ERMARD: variants seen among roughly 807,000 people sequenced by gnomAD.
The protein encoded by ERMARD is ER membrane associated RNA degradation.
Under a neutral mutation model 83.9 loss-of-function variants are expected in ERMARD, and 71 were observed. The ratio of observed to expected loss-of-function variants is 0.85; its 90% CI spans 0.70 to 1.03. The LOEUF is 1.03. Ranked by LOEUF, ERMARD falls within the 50% of genes least tolerant of loss-of-function variation. The pLI, the probability that ERMARD is intolerant of heterozygous loss-of-function variation, is 0.00. For synonymous variants in ERMARD, 284 were observed against 298.6 expected, an observed-to-expected ratio of 0.95 and a Z score of 0.50; for missense variants, 838 against 810.9, an observed-to-expected ratio of 1.03 and a Z score of -0.41.
chr6:169,758,712 T>A (rs897113587), intron 5 of ERMARD, among the ~76,000 whole-genome samples: 1 of 152,208 alleles, frequency 6.6e-6, no homozygotes, highest in Admixed American at 6.5e-5. Flanking sequence ...GCTTGTATTT[T>A]TTTCACCTAG....
At chr6:169,752,269 C>T (rs1199098306) in intron 1 of ERMARD, among the ~76,000 whole-genome samples, 1 of 152,200 alleles carries the variant, frequency 6.6e-6, no homozygotes, top group Non-Finnish European at 1.5e-5. Flanking sequence ...GTGCTAGATG[C>T]TTTTCATGTG....
chr6:169,762,288 T>C (rs1791646560), intron 8 of ERMARD, 141 bp from the exon 9 acceptor site: 1 of 692,348 alleles, frequency 1.4e-6, no homozygotes, highest in Non-Finnish European at 2.4e-6. Flanking sequence ...TTTCCCAGGC[T>C]GGTCTTGAAC....
chr6:169,760,885 C>G, intron 8 of ERMARD, 129 bp downstream of exon 8: 2 of 564,412 alleles, frequency 3.5e-6, no homozygotes, highest in Non-Finnish European at 6.2e-6. Flanking sequence ...TTGAGCAGAC[C>G]TGAAAATAAA....
At chr6:169,754,768 C>T (rs145922745) in intron 2 of ERMARD, among the ~76,000 whole-genome samples, 26 of 152,250 alleles carry the variant, frequency 1.7e-4, no homozygotes, top group African/African-American at 6.0e-4. Flanking sequence ...ATTCATTGAT[C>T]AGGAACCAAG....
chr6:169,775,129 C>G, intron 13 of ERMARD, 141 bp from the exon 14 acceptor site: 1 of 849,434 alleles, frequency 1.2e-6, no homozygotes, highest in South Asian at 1.7e-5. Flanking sequence ...GAAGAACTGA[C>G]ACCCACCATC....
intron 3 of ERMARD, 60 bp from the exon 4 acceptor site, chr6:169,756,278 T>C (rs1790801305): frequency 5.9e-6 from 6 of 1,018,378 alleles, no homozygotes; most frequent in Non-Finnish European, 8.6e-6. Flanking sequence ...ATAAATAATA[T>C]TGTTGCTTTG....
chr6:169,758,898 G>T, intron 5 of ERMARD, 70 bp from the exon 6 acceptor site: 3 of 1,382,988 alleles, frequency 2.2e-6, no homozygotes, highest in Non-Finnish European at 3.0e-6. Context: ...GAACACAAAT[G>T]TTATCTTCAT....
Position 169,758,903 on chromosome 6 carries a change from C to G in ERMARD, c.508-65C>G, listed in dbSNP as rs990512786. 5.0e-6 allele frequency: 7 copies of G among 1,407,184 alleles called. No individual in the cohort carries two copies. The African/African-American group carries it at 1.0e-4, about 20-fold the overall frequency. 87.2% of individuals were successfully genotyped at this position (1,407,184 alleles called of 1,614,324 possible). A position where few individuals can be genotyped will look rare whatever the true frequency, so the allele number is the denominator to read the frequency against. ...TTAAAAAGAGGAACACAAATGTTATCTTCATACTATATTGGTTTATTCAGT... is the reference window on the plus strand; with the variant it reads ...TTAAAAAGAGGAACACAAATGTTATGTTCATACTATATTGGTTTATTCAGT... On this transcript the variant is annotated intron_variant, in intron 5 of 17. Transcript: ENST00000366773.
chr6:169,752,401 A>G (rs1031150513), intron 1 of ERMARD, among the ~76,000 whole-genome samples: 3 of 152,176 alleles, frequency 2.0e-5, no homozygotes, highest in African/African-American at 7.2e-5. Context: ...GGAATGATTC[A>G]AATTTAAGTC....
chr6:169,773,159 A>G, intron 12 of ERMARD, 160 bp from the exon 13 acceptor site: 1 of 562,558 alleles, frequency 1.8e-6, no homozygotes, highest in Non-Finnish European at 3.1e-6. Flanking sequence ...TTTGCCTGCC[A>G]TGTCAAGCCT....
At chr6:169,766,573 G>A in intron 9 of ERMARD, 65 bp from the exon 10 acceptor site, 1 of 1,355,352 alleles carries the variant, frequency 7.4e-7, no homozygotes. Flanking sequence ...TTCTTATTTT[G>A]CATAGTGTTA....
chr6:169,759,983 T>C lies in ERMARD; in HGVS notation c.742+9T>C. The C allele has an allele frequency of 6.2e-7, 1 of 1,614,138 alleles. No individual in the cohort carries two copies. Among genetic ancestry groups the C allele is most frequent in the Non-Finnish European group, 8.5e-7 (1 of 1,180,014 alleles). ...TTTGATTGTTTTTCCTGGTAAGTAC[T>C]ATGTTTCACATTTTTCCTTATAGCT... On this transcript the variant is annotated intron_variant, in intron 7 of 17. Transcript: ENST00000366773.
At chr6:169,760,186 C>G (rs1791361061) in intron 7 of ERMARD, among the ~76,000 whole-genome samples, 1 of 152,130 alleles carries the variant, frequency 6.6e-6, no homozygotes, top group African/African-American at 2.4e-5. Context: ...GTGGGGGTCA[C>G]AGGAGTTGCA....
intron 9 of ERMARD, among the ~76,000 whole-genome samples, chr6:169,763,984 G>A (rs193302386): frequency 1.3e-4 from 20 of 152,332 alleles, no homozygotes; most frequent in Admixed American, 2.0e-4. Flanking sequence ...TCAGAAAGGC[G>A]TTGTTTCCCA....
At chr6:169,751,857 C>T (rs1209347289) in intron 1 of ERMARD, 194 bp downstream of exon 1, 3 of 771,974 alleles carry the variant, frequency 3.9e-6, no homozygotes, top group Non-Finnish European at 5.6e-6. Context: ...CTGCAAGACG[C>T]CTGGCGGGCC....
chr6:169,754,569 A>G (rs1790557839), intron 2 of ERMARD, among the ~76,000 whole-genome samples: 1 of 152,206 alleles, frequency 6.6e-6, no homozygotes. Context: ...AGCATTGTTT[A>G]TAATAGCTAA....
intron 11 of ERMARD, among the ~76,000 whole-genome samples, chr6:169,768,625 G>A (rs1024494624): frequency 6.6e-6 from 1 of 151,994 alleles, no homozygotes; most frequent in South Asian, 2.1e-4. Flanking sequence ...GTGCGGTGGC[G>A]GGCACCCACC....
Position 169,759,063 on chromosome 6 carries a change from A to G in ERMARD, c.603A>G (p.Pro201=), listed in dbSNP as rs886320376. The G allele has an allele frequency of 7.4e-6, 12 of 1,613,100 alleles. No homozygotes were observed. Among genetic ancestry groups the G allele is most frequent in the East Asian group, 2.2e-5 (1 of 44,886 alleles). Residue 201 remains proline (P), a splice_region_variant and synonymous_variant, in exon 6 of 18, where the codon CCA becomes CCG. Transcript: ENST00000366773. ...HGFASPEEIP[P]KYCSMMILLT... is the part of the protein sequence containing the mutation. Reference sequence around the variant, plus strand: ...TTGCGTCACCTGAAGAAATTCCTCCAAAGTAAGTTGCAAGTGAAGACATTT... The same window carrying G: ...TTGCGTCACCTGAAGAAATTCCTCCGAAGTAAGTTGCAAGTGAAGACATTT...
intron 9 of ERMARD, among the ~76,000 whole-genome samples, chr6:169,763,590 C>T (rs1371412527): frequency 1.3e-5 from 2 of 152,320 alleles, no homozygotes; most frequent in African/African-American, 4.8e-5. Context: ...CAGGTGCAGC[C>T]GCTCCACACC....
Sources: allele counts gnomAD v4.1 joint callset (sites outside exome capture counted in the v4.1 genomes callset), GRCh38; gene constraint gnomAD v4.1.1; transcripts MANE v1.5; gene names NCBI Gene and HGNC (gene_info 2026-07-23, HGNC 2026-07-21).